The following ZNF804B variants were observed in gnomAD, a reference collection of about 807,000 sequenced individuals.
ZNF804B encodes the protein zinc finger protein 804B, also known as zinc finger 804B.
In ZNF804B, 80 loss-of-function variants were observed where a neutral mutation model predicts 101.4. That is an observed-to-expected ratio of 0.79 (90% CI 0.66 to 0.95). ZNF804B has a LOEUF of 0.95. Among genes scored for constraint, ZNF804B ranks in the 40% least tolerant of loss-of-function variants. ZNF804B has a pLI of 0.00. For missense variants in ZNF804B, 1,673 were observed against 1,561.9 expected (o/e 1.07, Z -1.20); for synonymous variants, 622 against 558.8 (o/e 1.11, Z -1.59).
chr7:89,166,324 G>A (rs113171578), intron 1 of ZNF804B, among the ~76,000 whole-genome samples: 3 of 152,060 alleles, frequency 2.0e-5, no homozygotes, highest in South Asian at 2.1e-4. Flanking sequence ...ATTTTAAAAC[G>A]TAACTACTAA....
intron 1 of ZNF804B, among the ~76,000 whole-genome samples, chr7:88,789,690 A>C (rs898870829): frequency 3.3e-5 from 5 of 152,134 alleles, no homozygotes. Flanking sequence ...ATTTAATACA[A>C]TATGAAATGA....
chr7:89,148,963 C>T (rs1790830394), intron 1 of ZNF804B, among the ~76,000 whole-genome samples: 1 of 152,044 alleles, frequency 6.6e-6, no homozygotes, highest in African/African-American at 2.4e-5. Flanking sequence ...AATTATGAGG[C>T]TCTTTCAGAG....
chr7:89,290,897 C>G (rs1198977501), intron 2 of ZNF804B, among the ~76,000 whole-genome samples: 1 of 152,088 alleles, frequency 6.6e-6, no homozygotes, highest in Admixed American at 6.5e-5. Flanking sequence ...CACAGGGGTA[C>G]TACAGTCACT....
intron 2 of ZNF804B, among the ~76,000 whole-genome samples, chr7:89,298,929 A>G (rs1167713367): frequency 6.6e-6 from 1 of 151,848 alleles, no homozygotes; most frequent in African/African-American, 2.4e-5. Context: ...TAGAAAATGG[A>G]TTGTCTCAGG....
chr7:89,099,561 G>T (rs1255248280), intron 1 of ZNF804B, among the ~76,000 whole-genome samples: 1 of 152,062 alleles, frequency 6.6e-6, no homozygotes, highest in Non-Finnish European at 1.5e-5. Flanking sequence ...GTAGACGGTG[G>T]GCTTCATGGA....
Position 88,869,072 on chromosome 7 carries a change from T to A in ZNF804B, c.108+108988T>A, listed in dbSNP as rs530703185. Among the ~76,000 whole-genome samples the A allele has an allele frequency of 6.4e-4, 97 of 152,342 alleles. No homozygotes were observed. The South Asian group carries it at 0.019, about 29-fold the overall frequency. On this transcript the variant is annotated intron_variant, in intron 1 of 3. Coordinates refer to ENST00000333190, the MANE Select transcript of ZNF804B (RefSeq NM_181646.5). ...AATTCACATATTTAGTCTGTTTTTT[T>A]AAAAAGTTTAAACCCATCACACACT...
chr7:89,253,704 CA>C lies in ZNF804B; in HGVS notation c.249+35410del, dbSNP rs1789578733. ...ATTTTAAAAAGAAAGACGACAGAAA[CA>C]GAAGATTATAAAAAATAAAAAATGT... On this transcript the variant is annotated intron_variant, in intron 2 of 3. Coordinates refer to ENST00000333190, the MANE Select transcript of ZNF804B (RefSeq NM_181646.5). Among the ~76,000 whole-genome samples the C allele has an allele frequency of 3.3e-5, 5 of 151,832 alleles. 1 individual carries two copies. The highest frequency in any genetic ancestry group is 3.3e-4 in the Admixed American group (5 of 15,246).
At chr7:88,902,911 G>T (rs956947450) in intron 1 of ZNF804B, among the ~76,000 whole-genome samples, 26 of 151,960 alleles carry the variant, frequency 1.7e-4, no homozygotes, top group African/African-American at 5.6e-4. Flanking sequence ...AACGTAAAAT[G>T]CCAGTTTTTG....
chr7:88,854,414 C>CCTTTCTTCCTTCCTTTCTTTCTTT (rs1791502773), intron 1 of ZNF804B, among the ~76,000 whole-genome samples: 1 of 57,076 alleles, frequency 1.8e-5, no homozygotes, highest in African/African-American at 6.3e-5. Context: ...TTTCTTTCTT[C>CCTTTCTTCCTTCCTTTCTTTCTTT]CTTTCTTTCT....
At chr7:88,851,576 C>A (rs1420955078) in intron 1 of ZNF804B, among the ~76,000 whole-genome samples, 1 of 151,626 alleles carries the variant, frequency 6.6e-6, no homozygotes, top group African/African-American at 2.4e-5. Flanking sequence ...TTTTTCCAGA[C>A]AAAGACTAAA....
At chr7:88,966,288 CAGCT>C (rs1191119987) in intron 1 of ZNF804B, among the ~76,000 whole-genome samples, 1 of 151,300 alleles carries the variant, frequency 6.6e-6, no homozygotes, top group Non-Finnish European at 1.5e-5. Flanking sequence ...GCAATAAAAC[CAGCT>C]TTTTGGTGAG....
chr7:88,788,567 C>T (rs1459382019), intron 1 of ZNF804B, among the ~76,000 whole-genome samples: 3 of 152,096 alleles, frequency 2.0e-5, no homozygotes, highest in Non-Finnish European at 4.4e-5. Context: ...GTCATTTTCT[C>T]TATTTGTTTA....
rs371801451 is a variant in ZNF804B at position 89,336,729 on chromosome 7, G to C, written c.3747G>C (p.Ser1249=). 3 of 1,613,764 alleles carry C rather than the reference G, an allele frequency of 1.9e-6. No individual in the cohort carries two copies. The highest frequency in any genetic ancestry group is 2.5e-6 in the Non-Finnish European group (3 of 1,179,974). Residue 1249 remains serine (S), a synonymous_variant, in exon 4 of 4, where the codon TCG becomes TCC. Coordinates refer to ENST00000333190, the MANE Select transcript of ZNF804B (RefSeq NM_181646.5). ...SQAHFSPISF[S]TLTPTIIPAH... is the part of the protein sequence containing the mutation. The stretch of plus-strand genomic sequence containing the variant: ...CACATTTCAGTCCTATTTCATTTTC[G>C]ACTCTGACTCCAACCATTATCCCTG...
At chr7:89,301,707 T>C (rs1312629039) in intron 2 of ZNF804B, among the ~76,000 whole-genome samples, 3 of 151,828 alleles carry the variant, frequency 2.0e-5, no homozygotes, top group African/African-American at 4.8e-5. Context: ...GAGTAATGCA[T>C]AGTAGTTAAG....
chr7:89,081,407 G>A (rs997114121), intron 1 of ZNF804B, among the ~76,000 whole-genome samples: 2 of 151,662 alleles, frequency 1.3e-5, no homozygotes, highest in Non-Finnish European at 3.0e-5. Flanking sequence ...CCTTTTTAGA[G>A]TAACAAATTT....
intron 1 of ZNF804B, among the ~76,000 whole-genome samples, chr7:89,162,418 A>G (rs1791080341): frequency 6.6e-6 from 1 of 152,150 alleles, no homozygotes; most frequent in African/African-American, 2.4e-5. Flanking sequence ...TTTTGACCCA[A>G]AAATAGAATC....
chr7:89,115,151 G>A (rs1456066284), intron 1 of ZNF804B, among the ~76,000 whole-genome samples: 1 of 152,080 alleles, frequency 6.6e-6, no homozygotes, highest in Non-Finnish European at 1.5e-5. Flanking sequence ...ATTTATGATT[G>A]GCAAAATGAA....
intron 1 of ZNF804B, among the ~76,000 whole-genome samples, chr7:89,004,471 G>GT (rs1788341125): frequency 1.3e-5 from 2 of 151,752 alleles, no homozygotes; most frequent in African/African-American, 4.8e-5. Context: ...GATTTAAATA[G>GT]TTTCTGGGGT....
At chr7:88,952,680 G>A (rs979505319) in intron 1 of ZNF804B, among the ~76,000 whole-genome samples, 1 of 151,732 alleles carries the variant, frequency 6.6e-6, no homozygotes, top group Non-Finnish European at 1.5e-5. Context: ...AACTTGGAAA[G>A]TACTAGAGCA....
Sources: allele counts gnomAD v4.1 joint callset (sites outside exome capture counted in the v4.1 genomes callset), GRCh38; gene constraint gnomAD v4.1.1; transcripts MANE v1.5; gene names NCBI Gene and HGNC (gene_info 2026-07-23, HGNC 2026-07-21).